KCNAB2: variants seen among roughly 807,000 people sequenced by gnomAD.
KCNAB2 encodes the protein potassium voltage-gated channel subfamily A regulatory beta subunit 2.
A neutral mutation model predicts 63.6 loss-of-function variants in KCNAB2; 29 were observed. That is an observed-to-expected ratio of 0.46 (90% CI 0.34 to 0.62). The LOEUF is 0.62. Among genes scored for constraint, KCNAB2 ranks in the 20% least tolerant of loss-of-function variants. The pLI is 0.01. For missense variants in KCNAB2, 359 were observed against 563.9 expected (o/e 0.64, Z 3.68); for synonymous variants, 222 against 224.2 (o/e 0.99, Z 0.09).
upstream of KCNAB2, among the ~76,000 whole-genome samples, chr1:6,044,827 G>T (rs778444515): frequency 6.6e-6 from 1 of 152,160 alleles, no homozygotes; most frequent in African/African-American, 2.4e-5. Flanking sequence ...GGGGTGCAGG[G>T]CCTGAAAAAA....
rs1175503602 is a variant in KCNAB2, at chr1:6,028,902, T to C, written c.-52-11615T>C. Among the ~76,000 whole-genome samples, 2 of 152,220 alleles carry C rather than the reference T, an allele frequency of 1.3e-5. No individual in the cohort carries two copies. The highest frequency in any genetic ancestry group is 4.8e-5 in the African/African-American group (2 of 41,452). On this transcript the variant is annotated intron_variant, in intron 1 of 16. Coordinates refer to the KCNAB2 transcript ENST00000341524. The surrounding 1 kb of genome is among the most constrained non-coding windows in gnomAD (Gnocchi z 4.0). Reference sequence around the variant, plus strand: ...ATCTGCAAACCAGCCTTCTGGAACCTTTGAGCTTCCAGGATGATTCGGAAT... The same window carrying C: ...ATCTGCAAACCAGCCTTCTGGAACCCTTGAGCTTCCAGGATGATTCGGAAT...
In KCNAB2 at chr1:6,098,651, CAAGTG is replaced by C. The variant is rs1665843609; in HGVS notation, c.*81_*85del. On this transcript the variant is annotated 3_prime_UTR_variant, in exon 16 of 16. Coordinates refer to ENST00000378083, the MANE Select transcript of KCNAB2 (RefSeq NM_001199862.2). ...TCGCTCGCTTAAGCTGTTTTGAAGCCAAGTGAAGAGTGTGGTTTGCATCCAAGAGA... is the reference window on the plus strand; with the variant it reads ...TCGCTCGCTTAAGCTGTTTTGAAGCCAAGAGTGTGGTTTGCATCCAAGAGA... 1 of 1,540,130 alleles carries C rather than the reference CAAGTG, an allele frequency of 6.5e-7. No individual in the cohort carries two copies. Among genetic ancestry groups the C allele is most frequent in the African/African-American group, 1.4e-5 (1 of 73,634 alleles).
At chr1:6,015,246 T>C (rs914347650) in intron 1 of KCNAB2, among the ~76,000 whole-genome samples, 11 of 152,048 alleles carry the variant, frequency 7.2e-5, no homozygotes, top group African/African-American at 2.7e-4. Context: ...GCCAGGCTGA[T>C]TTCGAACTCT....
chr1:6,031,952 C>T (rs1659657177), upstream of KCNAB2, among the ~76,000 whole-genome samples: 1 of 152,148 alleles, frequency 6.6e-6, no homozygotes, highest in African/African-American at 2.4e-5. This position sits in a 1 kb window ranked among gnomAD's most constrained non-coding sequence, Gnocchi z 4.1. Flanking sequence ...AGCCCTAAAT[C>T]TCATGACTTA....
chr1:6,000,011 T>A (rs1657154173), intron 1 of KCNAB2, among the ~76,000 whole-genome samples: 2 of 151,436 alleles, frequency 1.3e-5, no homozygotes, highest in South Asian at 4.2e-4. Context: ...GCACCCTCTC[T>A]GCACCCTGTC....
chr1:6,084,649 C>G (rs998906153), intron 5 of KCNAB2, among the ~76,000 whole-genome samples: 1 of 152,072 alleles, frequency 6.6e-6, no homozygotes, highest in African/African-American at 2.4e-5. Context: ...AACCCCGTCT[C>G]TACTAAAAAT....
intron 1 of KCNAB2, among the ~76,000 whole-genome samples, chr1:6,001,688 G>C (rs940517824): frequency 1.3e-5 from 2 of 152,136 alleles, no homozygotes; most frequent in Non-Finnish European, 2.9e-5. Flanking sequence ...CCCCAGGCTT[G>C]GCGGAATTCC....
chr1:6,073,595 AGGACACCCTGGCCACAGAGCAGCACAGAG>A lies in KCNAB2; in HGVS notation c.263-130_263-102del. Reference sequence around the variant, plus strand: ...GAAGGCCAGCTGTCCACACACACTAAGGACACCCTGGCCACAGAGCAGCACAGAGGGACACCTGTGGCTGCCCCCTGTGC... The same window carrying A: ...GAAGGCCAGCTGTCCACACACACTAAGGACACCTGTGGCTGCCCCCTGTGC... On this transcript the variant is annotated intron_variant, in intron 3 of 15. Transcript: ENST00000378083. This position sits in a 1 kb window ranked among gnomAD's most constrained non-coding sequence, Gnocchi z 5.7. 1.3e-6 allele frequency: 1 copy of A among 774,608 alleles called. No homozygotes were observed. Among genetic ancestry groups the A allele is most frequent in the Non-Finnish European group, 2.3e-6 (1 of 435,808 alleles). The allele number at this position is 774,608 out of a possible 1,614,324, so 48.0% of individuals were successfully genotyped here. A position where few individuals can be genotyped will look rare whatever the true frequency, so the allele number is the denominator to read the frequency against.
intron 5 of KCNAB2, among the ~76,000 whole-genome samples, chr1:6,083,274 A>G (rs1417559990): frequency 2.6e-5 from 4 of 151,958 alleles, no homozygotes; most frequent in Admixed American, 1.3e-4. Context: ...GCCGAGAGGC[A>G]CCTCCCGTCC....
rs758038532 is a variant in KCNAB2, at chr1:6,082,264, G to A, written c.370G>A (p.Ala124Thr). The A allele has an allele frequency of 6.8e-6, 11 of 1,612,396 alleles. No homozygotes were observed. Among genetic ancestry groups the A allele is most frequent in the East Asian group, 2.2e-5 (1 of 44,874 alleles). The change falls in exon 5 of 16, where the codon GCA becomes ACA. Residue 124 changes from alanine (A) to threonine (T), a missense_variant. By Grantham distance (58) the Ala-to-Thr change is moderately conservative (BLOSUM62 0). Transcript: ENST00000378083. ...CCTCTTCGATACAGCAGAAGTCTAC[G>A]CAGCCGGCAAGTACGTGTCTTTTCA... Reference protein sequence around the residue: ...INLFDTAEVYAAGKAEVVLGN... With the variant: ...INLFDTAEVYTAGKAEVVLGN...
chr1:6,023,375 A>G (rs986777835), intron 1 of KCNAB2, among the ~76,000 whole-genome samples: 1 of 152,094 alleles, frequency 6.6e-6, no homozygotes, highest in Non-Finnish European at 1.5e-5. Flanking sequence ...GAACCACCAT[A>G]CTGTTTTCCA....
intron 13 of KCNAB2, 29 bp downstream of exon 13, chr1:6,095,653 G>C (rs767682800): frequency 6.2e-7 from 1 of 1,604,150 alleles, no homozygotes; most frequent in Non-Finnish European, 8.5e-7. Flanking sequence ...GGGGAGGGAC[G>C]GGCAGGGGAT....
At chr1:6,051,776 G>A (rs564913084) in intron 2 of KCNAB2, 22 bp downstream of exon 2, 25 of 1,517,798 alleles carry the variant, frequency 1.6e-5, no homozygotes, top group East Asian at 4.9e-5. Context: ...GCAGGGGGGC[G>A]GTGGGGTGGG....
Position 6,087,946 on chromosome 1 carries a change from CCCTG to C in KCNAB2, c.470+437_470+440del, listed in dbSNP as rs1337378499. 6.6e-6 allele frequency among the ~76,000 whole-genome samples: 1 copy of C among 152,220 alleles called. No individual in the cohort carries two copies. Among genetic ancestry groups the C allele is most frequent in the African/African-American group, 2.4e-5 (1 of 41,460 alleles). On this transcript the variant is annotated intron_variant, in intron 7 of 15. Coordinates refer to ENST00000378083, the MANE Select transcript of KCNAB2 (RefSeq NM_001199862.2). This position sits in a 1 kb window ranked among gnomAD's most constrained non-coding sequence, Gnocchi z 6.4. ...CCAAATTCCCTGGGCCGCCTGTCAC[CCCTG>C]CAGGTCTCCAAGTGTCTAGCTCCAT... is the stretch of plus-strand genomic sequence containing the variant.
intron 1 of KCNAB2, among the ~76,000 whole-genome samples, chr1:6,012,221 T>C (rs112128566): frequency 1.9e-5 from 2 of 102,858 alleles, no homozygotes; most frequent in African/African-American, 7.9e-5. Context: ...GCGGAGGTGA[T>C]GGGTGGAGGT....
intron 2 of KCNAB2, among the ~76,000 whole-genome samples, chr1:6,056,039 G>C (rs370687474): frequency 6.9e-6 from 1 of 144,294 alleles, no homozygotes; most frequent in African/African-American, 2.7e-5. Flanking sequence ...CAGCATGCCT[G>C]TTACACTTCC....
In KCNAB2 at chr1:6,054,572, G is replaced by A. The variant is rs556172484; in HGVS notation, c.218+2818G>A. On this transcript the variant is annotated intron_variant, in intron 2 of 15. Coordinates refer to ENST00000378083, the MANE Select transcript of KCNAB2 (RefSeq NM_001199862.2). ...TTGAACCTGGGAGGCGGAGGTTGCAGTGAGCCAAGATGGAACAAAAGTACA... is the reference window on the plus strand; with the variant it reads ...TTGAACCTGGGAGGCGGAGGTTGCAATGAGCCAAGATGGAACAAAAGTACA... Among the ~76,000 whole-genome samples the A allele has an allele frequency of 2.0e-5, 3 of 152,360 alleles. No individual in the cohort carries two copies. In the South Asian group the frequency reaches 6.2e-4, roughly 32 times the overall value.
chr1:6,039,793 G>T lies in KCNAB2; in HGVS notation c.-52-724G>T, dbSNP rs559205374. 3.9e-4 allele frequency among the ~76,000 whole-genome samples: 59 copies of T among 152,338 alleles called. 1 individual carries two copies. In the South Asian group the frequency reaches 0.012, roughly 30 times the overall value. ...AGGGCTCAGCTTCTCGCCAGCTGTCGGCCCGAGGCTGCCCTCAGTTCCTGC... is the reference window on the plus strand; with the variant it reads ...AGGGCTCAGCTTCTCGCCAGCTGTCTGCCCGAGGCTGCCCTCAGTTCCTGC... On this transcript the variant is annotated intron_variant, in intron 1 of 15. Transcript: ENST00000164247.
In KCNAB2 at chr1:6,069,175, C is replaced by T. The variant is rs1215121067; in HGVS notation, c.219-3580C>T. Among the ~76,000 whole-genome samples the T allele has an allele frequency of 6.6e-6, 1 of 152,212 alleles. No individual in the cohort carries two copies. Among genetic ancestry groups the T allele is most frequent in the South Asian group, 2.1e-4 (1 of 4,834 alleles). On this transcript the variant is annotated intron_variant, in intron 2 of 15. Coordinates refer to ENST00000378083, the MANE Select transcript of KCNAB2 (RefSeq NM_001199862.2). This position sits in a 1 kb window ranked among gnomAD's most constrained non-coding sequence, Gnocchi z 5.4. ...AGCAGGGCAGGCGTGCAAACATCATCACTGCACGGAGCAGACAGGCGAGCA... is the reference window on the plus strand; with the variant it reads ...AGCAGGGCAGGCGTGCAAACATCATTACTGCACGGAGCAGACAGGCGAGCA...
Sources: allele counts gnomAD v4.1 joint callset (sites outside exome capture counted in the v4.1 genomes callset), GRCh38; gene constraint gnomAD v4.1.1; non-coding constraint Gnocchi (gnomAD v3.1); transcripts MANE v1.5; gene names NCBI Gene and HGNC (gene_info 2026-07-23, HGNC 2026-07-21).